WDCP: variants seen among roughly 807,000 people sequenced by gnomAD.
WDCP encodes WD repeat and coiled coil containing.
In WDCP, 19 loss-of-function variants were observed where a neutral mutation model predicts 41.6. The observed-to-expected ratio is 0.46, with a 90% confidence interval of 0.32 to 0.67. The LOEUF is 0.67. Ranked by LOEUF, WDCP falls within the 30% of genes least tolerant of loss-of-function variation. The pLI, the probability that WDCP is intolerant of heterozygous loss-of-function variation, is 0.04. For missense variants in WDCP, 802 were observed against 850.7 expected (o/e 0.94, Z 0.71); for synonymous variants, 302 against 320.8 (o/e 0.94, Z 0.63).
At chr2:24,045,600 CAAAAAAAAAAA>C (rs869243363) in intron 1 of WDCP, among the ~76,000 whole-genome samples, 2 of 64,412 alleles carry the variant, frequency 3.1e-5, no homozygotes. Flanking sequence ...GACTCCATCT[CAAAAAAAAAAA>C]AAAAAAAAAG....
intron 1 of WDCP, among the ~76,000 whole-genome samples, chr2:24,042,271 C>T (rs980018293): frequency 2.0e-5 from 3 of 152,102 alleles, no homozygotes; most frequent in African/African-American, 4.8e-5. Context: ...GGCGCAGTGG[C>T]TCACGCCTGT....
At chr2:24,034,902 T>A (rs1238234645) in intron 2 of WDCP, among the ~76,000 whole-genome samples, 2 of 151,976 alleles carry the variant, frequency 1.3e-5, no homozygotes, top group Non-Finnish European at 2.9e-5. Context: ...CCTTAGTTTT[T>A]AAAAATATAA....
At chr2:24,036,718 T>C (rs1359283466) in intron 2 of WDCP, among the ~76,000 whole-genome samples, 1 of 152,226 alleles carries the variant, frequency 6.6e-6, no homozygotes, top group East Asian at 1.9e-4. Context: ...ATAAAGAGCA[T>C]ACTCTCAGTA....
In WDCP at chr2:24,038,278, T is replaced by C; in HGVS notation, c.1217A>G (p.Gln406Arg). The change falls in exon 2 of 4, where the codon CAA becomes CGA. Residue 406 changes from glutamine to arginine, a missense_variant. Transcript: ENST00000295148. ...DQLLLILVGK[Q>R]KLTDTTFLPS... ...AAGAAATGTTGTATCAGTGAGTTTT[T>C]GTTTTCCTACCAAAATTAGTAATAG... The C allele has an allele frequency of 1.2e-6, 2 of 1,614,224 alleles. No individual in the cohort carries two copies. The highest frequency in any genetic ancestry group is 1.1e-5 in the South Asian group (1 of 91,086).
rs543973180 is a variant in WDCP at position 24,030,730 on chromosome 2, C to T, written c.*203G>A. ...GTCATGAATACATAAACACCACTTTCGGAGCCATCTAATAAAGACTGAGCT... is the reference window on the plus strand; with the variant it reads ...GTCATGAATACATAAACACCACTTTTGGAGCCATCTAATAAAGACTGAGCT... On this transcript the variant is annotated 3_prime_UTR_variant, in exon 4 of 4. Coordinates refer to ENST00000295148, the MANE Select transcript of WDCP (RefSeq NM_025203.3). 42 of 553,660 alleles carry T rather than the reference C, an allele frequency of 7.6e-5. No homozygotes were observed. The Admixed American group carries it at 8.5e-4, about 11-fold the overall frequency. The allele number at this position is 553,660 out of a possible 1,614,324, so 34.3% of individuals were successfully genotyped here.
intron 2 of WDCP, among the ~76,000 whole-genome samples, chr2:24,034,605 GCT>G (rs1663187478): frequency 7.2e-6 from 1 of 137,946 alleles, no homozygotes; most frequent in African/African-American, 2.7e-5. Flanking sequence ...ACAGAGTCTT[GCT>G]CTGTTTCCCA....
rs148231194 is a variant in WDCP, at chr2:24,034,374, C to T, written c.1819-1428G>A. On this transcript the variant is annotated intron_variant, in intron 2 of 3. Transcript: ENST00000295148. ...GGCGGAGGTTGCAGTGAGCCAAGAT[C>T]GCGCCACTGCACTCCGGCCTGGGTG... Among the ~76,000 whole-genome samples the T allele has an allele frequency of 6.6e-3, 1,005 of 152,104 alleles. 5 individuals carry two copies. The highest frequency in any genetic ancestry group is 0.018 in the African/African-American group (743 of 41,506).
At chr2:24,043,888 T>TAA (rs112141110) in intron 1 of WDCP, among the ~76,000 whole-genome samples, 1,603 of 147,482 alleles carry the variant, frequency 0.011, 17 homozygotes, top group South Asian at 0.046. Flanking sequence ...ATCTTTCACT[T>TAA]AAAAAAAAAA....
chr2:24,038,377 G>A lies in WDCP; in HGVS notation c.1118C>T (p.Ser373Leu), dbSNP rs1201378427. 3.7e-6 allele frequency: 6 copies of A among 1,614,104 alleles called. No individual in the cohort carries two copies. The highest frequency in any genetic ancestry group is 3.4e-6 in the Non-Finnish European group (4 of 1,180,044). ...IILIYSVIPS[S>L]VPNIQQIRLE... Reference sequence around the variant, plus strand: ...TCGAATTTGCTGGATGTTTGGGACTGAAGATGGAATGACAGAGTAGATCAA... The same window carrying A: ...TCGAATTTGCTGGATGTTTGGGACTAAAGATGGAATGACAGAGTAGATCAA... The change falls in exon 2 of 4, where the codon TCA becomes TTA. Residue 373 changes from serine (S) to leucine (L), a missense_variant. By Grantham distance (145) the Ser-to-Leu change is moderately radical. This residue lies in a region of WDCP where 247 missense variants were observed against 240.5 expected (regional missense o/e 1.03). Coordinates refer to ENST00000295148, the MANE Select transcript of WDCP (RefSeq NM_025203.3).
intron 2 of WDCP, chr2:24,033,157 C>T (rs1402364957): frequency 3.1e-6 from 2 of 641,890 alleles, no homozygotes; most frequent in Admixed American, 4.2e-5. Flanking sequence ...TTGTTCTACT[C>T]TTTCCTCAGG....
chr2:24,045,314 A>C (rs781212624), intron 1 of WDCP, among the ~76,000 whole-genome samples: 1 of 152,186 alleles, frequency 6.6e-6, no homozygotes, highest in Non-Finnish European at 1.5e-5. Context: ...CAAGGAAGGC[A>C]GGGCAGGCTG....
At chr2:24,034,674 G>A (rs1245687345) in intron 2 of WDCP, among the ~76,000 whole-genome samples, 1 of 150,418 alleles carries the variant, frequency 6.6e-6, no homozygotes, top group Non-Finnish European at 1.5e-5. Flanking sequence ...CCTCAGCTTA[G>A]GTGATCCTCA....
chr2:24,031,698 T>C (rs1663099008), intron 3 of WDCP, among the ~76,000 whole-genome samples: 2 of 152,052 alleles, frequency 1.3e-5, no homozygotes, highest in Non-Finnish European at 2.9e-5. Flanking sequence ...TGGTGGCATG[T>C]GCCTGTAGTC....
At chr2:24,045,240 G>A (rs185675773) in intron 1 of WDCP, among the ~76,000 whole-genome samples, 349 of 152,284 alleles carry the variant, frequency 2.3e-3, no homozygotes, top group Non-Finnish European at 3.8e-3. Flanking sequence ...AAAGAATTAA[G>A]GATAACACCC....
rs373936545 is a variant in WDCP, at chr2:24,031,033, T to C, written c.2066A>G (p.His689Arg). The change falls in exon 4 of 4, where the codon CAC becomes CGC. Residue 689 changes from histidine to arginine, a missense_variant. By Grantham distance (29) the His-to-Arg change is conservative. This residue lies in a region of WDCP where 321 missense variants were observed against 305.1 expected (regional missense o/e 1.05). Coordinates refer to ENST00000295148, the MANE Select transcript of WDCP (RefSeq NM_025203.3). ...AAGAGAAGAAACAGCACCTGGACTG[T>C]GAGAAAAAGAGTCTCTGAAGACATC... is the stretch of plus-strand genomic sequence containing the variant. ...RSDVFRDSFS[H>R]SPGAVSSLKV... 6.2e-7 allele frequency: 1 copy of C among 1,614,062 alleles called. No homozygotes were observed. The highest frequency in any genetic ancestry group is 8.5e-7 in the Non-Finnish European group (1 of 1,180,028).
chr2:24,040,107 AT>A (rs1336016470), intron 1 of WDCP, among the ~76,000 whole-genome samples: 1 of 152,034 alleles, frequency 6.6e-6, no homozygotes, highest in African/African-American at 2.4e-5. Context: ...GGCCAGAGTT[AT>A]TAATTTTCTT....
At chr2:24,035,887 G>A (rs1041148645) in intron 2 of WDCP, among the ~76,000 whole-genome samples, 4 of 151,396 alleles carry the variant, frequency 2.6e-5, no homozygotes, top group South Asian at 2.1e-4. Context: ...TGGCCAACAC[G>A]GTGAAACCCC....
At chr2:24,040,831 A>G (rs764948269) in intron 1 of WDCP, among the ~76,000 whole-genome samples, 3 of 152,012 alleles carry the variant, frequency 2.0e-5, no homozygotes, top group Non-Finnish European at 4.4e-5. Flanking sequence ...AGCCTGACCA[A>G]CATGCAGAAA....
chr2:24,043,849 T>C (rs1427347589), intron 1 of WDCP, among the ~76,000 whole-genome samples: 1 of 152,024 alleles, frequency 6.6e-6, no homozygotes, highest in African/African-American at 2.4e-5. Flanking sequence ...TTCGCATATC[T>C]CCTTGCTAGC....
Sources: gnomAD v4.1 joint callset for allele counts (sites outside exome capture counted in the v4.1 genomes callset) on GRCh38, gnomAD v4.1.1 for gene constraint, gnomAD v4.1.1 regional missense constraint, MANE v1.5 for transcripts, NCBI Gene and HGNC (gene_info 2026-07-23, HGNC 2026-07-21) for gene names.